Variants in SEMA5A observed in about 807,000 individuals in gnomAD.
SEMA5A encodes semaphorin 5A.
Under a neutral mutation model 135.5 loss-of-function variants are expected in SEMA5A, and 55 were observed. The ratio of observed to expected loss-of-function variants is 0.41; its 90% CI spans 0.33 to 0.51. SEMA5A has a LOEUF of 0.51. Among genes scored for constraint, SEMA5A ranks in the 20% least tolerant of loss-of-function variants. The pLI, the probability that SEMA5A is intolerant of heterozygous loss-of-function variation, is 0.37. For synonymous variants in SEMA5A, 580 were observed against 546.5 expected, an observed-to-expected ratio of 1.06 and a Z score of -0.85; for missense variants, 1,290 against 1,419.9, an observed-to-expected ratio of 0.91 and a Z score of 1.47.
chr5:9,441,775 A>G (rs1200613900), intron 1 of SEMA5A, among the ~76,000 whole-genome samples: 2 of 152,180 alleles, frequency 1.3e-5, no homozygotes, highest in African/African-American at 2.4e-5. Flanking sequence ...CACGATGACT[A>G]CCTGCAAGAT....
intron 1 of SEMA5A, among the ~76,000 whole-genome samples, chr5:9,526,010 A>C (rs1737102908): frequency 6.6e-6 from 1 of 152,194 alleles, no homozygotes; most frequent in South Asian, 2.1e-4. Flanking sequence ...ATTTATAGAG[A>C]GTTCTAGAGT....
chr5:9,397,893 A>C (rs889212726), intron 2 of SEMA5A, among the ~76,000 whole-genome samples: 1 of 152,116 alleles, frequency 6.6e-6, no homozygotes, highest in Admixed American at 6.5e-5. Flanking sequence ...AATGACTAGA[A>C]TTCTCATACC....
intron 1 of SEMA5A, among the ~76,000 whole-genome samples, chr5:9,457,455 G>A (rs1758881592): frequency 6.6e-6 from 1 of 152,160 alleles, no homozygotes; most frequent in Non-Finnish European, 1.5e-5. Context: ...TGCATACCAA[G>A]TTCCTCACTC....
At position 9,452,260 on chromosome 5, in the gene SEMA5A, A is replaced by G. The variant is rs79133555; in HGVS notation, c.-174-14408T>C. On this transcript the variant is annotated intron_variant, in intron 1 of 22. Transcript: ENST00000382496. ...TCAAAAGACATCTTCATTCTAGCTC[A>G]TATGGCCAGAGGGAGCCCCCTTCTC... Among the ~76,000 whole-genome samples the G allele has an allele frequency of 1.7e-4, 26 of 152,288 alleles. No homozygotes were observed. In the East Asian group the frequency reaches 4.8e-3, roughly 28 times the overall value.
intron 7 of SEMA5A, among the ~76,000 whole-genome samples, chr5:9,225,839 G>T (rs917552225): frequency 1.3e-5 from 2 of 152,090 alleles, no homozygotes; most frequent in Admixed American, 6.6e-5. Context: ...TGGAATCTTT[G>T]CTCAATTTGG....
In SEMA5A at chr5:9,035,917, G is replaced by GCAAGCTTAC. The variant is rs1258511549; in HGVS notation, c.*6971_*6979dup. 1 of 130,240 alleles carries GCAAGCTTAC rather than the reference G, an allele frequency of 7.7e-6. No individual in the cohort carries two copies. The highest frequency in any genetic ancestry group is 2.9e-5 in the African/African-American group (1 of 34,028). 8.1% of individuals were successfully genotyped at this position (130,240 alleles called of 1,614,324 possible). A position where few individuals can be genotyped will look rare whatever the true frequency, so the allele number is the denominator to read the frequency against. On this transcript the variant is annotated 3_prime_UTR_variant, in exon 23 of 23. Transcript: ENST00000382496. The stretch of plus-strand genomic sequence containing the variant: ...TTAAATTTAAGATCAGTAACTGTCT[G>GCAAGCTTAC]CAAGCTTACCAAGGGCTGAAATTGG...
At chr5:9,347,981 T>C (rs1017467648) in intron 3 of SEMA5A, among the ~76,000 whole-genome samples, 1 of 152,226 alleles carries the variant, frequency 6.6e-6, no homozygotes. Flanking sequence ...TTTTCAATTC[T>C]TTGCATGATT....
intron 1 of SEMA5A, among the ~76,000 whole-genome samples, chr5:9,514,779 T>G (rs1221089214): frequency 2.0e-5 from 3 of 152,192 alleles, no homozygotes; most frequent in Admixed American, 6.5e-5. Flanking sequence ...GAGAGTCAAC[T>G]GTTACTTTTA....
chr5:9,343,488 CTG>C (rs1022146574), intron 3 of SEMA5A, among the ~76,000 whole-genome samples: 22 of 152,138 alleles, frequency 1.4e-4, no homozygotes, highest in Non-Finnish European at 2.4e-4. Context: ...GGCATATTCT[CTG>C]TGGAGAAATT....
chr5:9,498,985 G>A (rs1207093311), intron 1 of SEMA5A, among the ~76,000 whole-genome samples: 4 of 152,180 alleles, frequency 2.6e-5, no homozygotes, highest in African/African-American at 9.7e-5. Context: ...TAATGAAAAT[G>A]TATGAATGCT....
chr5:9,424,166 G>C (rs1319264194), intron 2 of SEMA5A, among the ~76,000 whole-genome samples: 2 of 152,046 alleles, frequency 1.3e-5, no homozygotes, highest in African/African-American at 4.8e-5. Context: ...CTGAACTGCT[G>C]ATTGTGAGAA....
At chr5:9,465,651 T>C (rs1759230260) in intron 1 of SEMA5A, among the ~76,000 whole-genome samples, 1 of 152,216 alleles carries the variant, frequency 6.6e-6, no homozygotes, top group Non-Finnish European at 1.5e-5. Flanking sequence ...GGGAAGATGC[T>C]CACAGGTTAT....
intron 11 of SEMA5A, among the ~76,000 whole-genome samples, chr5:9,165,406 AT>A (rs1282834657): frequency 6.6e-6 from 1 of 152,200 alleles, no homozygotes; most frequent in East Asian, 1.9e-4. Flanking sequence ...TTCTCTTTTT[AT>A]TAATTCTGTA....
At chr5:9,340,488 G>A (rs542126208) in intron 3 of SEMA5A, among the ~76,000 whole-genome samples, 11 of 152,286 alleles carry the variant, frequency 7.2e-5, no homozygotes, top group Non-Finnish European at 1.5e-4. Flanking sequence ...GAAGAAAGTG[G>A]CCAACAGGAA....
At chr5:9,510,509 A>G (rs571003254) in intron 1 of SEMA5A, among the ~76,000 whole-genome samples, 1 of 152,320 alleles carries the variant, frequency 6.6e-6, no homozygotes, top group African/African-American at 2.4e-5. Context: ...TCTTTTACAT[A>G]GCATTGTAAA....
intron 1 of SEMA5A, among the ~76,000 whole-genome samples, chr5:9,469,655 A>T (rs1263330172): frequency 6.6e-6 from 1 of 152,190 alleles, no homozygotes; most frequent in East Asian, 1.9e-4. Context: ...TGGAAACTAA[A>T]AGTGCTGGAG....
chr5:9,507,958 T>C (rs1325468943), intron 1 of SEMA5A, among the ~76,000 whole-genome samples: 2 of 150,158 alleles, frequency 1.3e-5, no homozygotes, highest in Non-Finnish European at 3.0e-5. Context: ...AAGCCAAGAT[T>C]GCGCCACTGC....
chr5:9,083,960 A>G (rs1738537946), intron 16 of SEMA5A, among the ~76,000 whole-genome samples: 1 of 152,182 alleles, frequency 6.6e-6, no homozygotes. Context: ...CAACACATAC[A>G]GCATTTTAGT....
intron 1 of SEMA5A, among the ~76,000 whole-genome samples, chr5:9,450,476 T>C (rs1260062727): frequency 3.9e-5 from 6 of 152,026 alleles, no homozygotes; most frequent in African/African-American, 7.2e-5. Flanking sequence ...ATTAAAACAG[T>C]CCTCACTTTT....
Sources: allele counts gnomAD v4.1 joint callset (sites outside exome capture counted in the v4.1 genomes callset), GRCh38; gene constraint gnomAD v4.1.1; transcripts MANE v1.5; gene names NCBI Gene and HGNC (gene_info 2026-07-23, HGNC 2026-07-21).